Variants in PTPRD observed in about 807,000 individuals in gnomAD.
The protein encoded by PTPRD is protein tyrosine phosphatase receptor type D.
Under a neutral mutation model 214.5 loss-of-function variants are expected in PTPRD, and 34 were observed. The observed-to-expected ratio is 0.16, with a 90% CI of 0.12 to 0.21. The LOEUF is 0.21. Among genes scored for constraint, PTPRD ranks in the 10% least tolerant of loss-of-function variants. PTPRD has a pLI of 1.00. For synonymous variants in PTPRD, 1,128 were observed against 845.7 expected (o/e 1.33, Z -5.79); for missense variants, 2,545 against 2,398.7 (o/e 1.06, Z -1.27).
At chr9:9,307,779 T>G (rs1475037197) in intron 9 of PTPRD, among the ~76,000 whole-genome samples, 2 of 152,192 alleles carry the variant, frequency 1.3e-5, no homozygotes. Context: ...ACAGAAAAAT[T>G]TATGATCTAT....
At chr9:9,554,673 T>A (rs189164495) in intron 8 of PTPRD, among the ~76,000 whole-genome samples, 1 of 152,094 alleles carries the variant, frequency 6.6e-6, no homozygotes, top group East Asian at 1.9e-4. Flanking sequence ...AGAATTCAAC[T>A]CCAGTGTCTT....
In PTPRD at chr9:10,346,238, A is replaced by G. The variant is rs556258902; in HGVS notation, c.-599-5221T>C. On this transcript the variant is annotated intron_variant, in intron 2 of 45. Transcript: ENST00000381196. The stretch of plus-strand genomic sequence containing the variant: ...ATTCCCTAGCTCTTAATGTCATCCA[A>G]AACAAGAACCTGTGTTCCTTGAAAG... 5.9e-5 allele frequency among the ~76,000 whole-genome samples: 9 copies of G among 152,296 alleles called. No individual in the cohort carries two copies. The South Asian group carries it at 1.9e-3, about 32-fold the overall frequency.
intron 5 of PTPRD, among the ~76,000 whole-genome samples, chr9:9,922,586 C>G (rs995611367): frequency 2.0e-5 from 3 of 151,828 alleles, no homozygotes; most frequent in African/African-American, 7.3e-5. Context: ...AATCAAAGAA[C>G]AGGGAAATAT....
chr9:10,312,459 T>C (rs1361184909), intron 3 of PTPRD, among the ~76,000 whole-genome samples: 2 of 151,930 alleles, frequency 1.3e-5, no homozygotes, highest in Non-Finnish European at 2.9e-5. Context: ...TTTTGTTGGA[T>C]TAGAAACGGA....
At chr9:9,009,932 G>A (rs1198487972) in intron 11 of PTPRD, among the ~76,000 whole-genome samples, 1 of 152,052 alleles carries the variant, frequency 6.6e-6, no homozygotes, top group Admixed American at 6.6e-5. Context: ...CCTCTACGGA[G>A]GGATCCTGAG....
intron 3 of PTPRD, among the ~76,000 whole-genome samples, chr9:10,239,241 T>C (rs866248583): frequency 4.0e-4 from 61 of 151,994 alleles, no homozygotes; most frequent in African/African-American, 1.3e-3. Flanking sequence ...TCCATAGGAA[T>C]ACTGCTGATG....
chr9:9,471,187 C>T (rs1396207830), intron 8 of PTPRD, among the ~76,000 whole-genome samples: 1 of 152,138 alleles, frequency 6.6e-6, no homozygotes, highest in Non-Finnish European at 1.5e-5. Context: ...TATTTTAATT[C>T]ACAATTTGAC....
At chr9:8,662,067 C>A (rs1353303084) in intron 12 of PTPRD, among the ~76,000 whole-genome samples, 1 of 152,132 alleles carries the variant, frequency 6.6e-6, no homozygotes, top group Non-Finnish European at 1.5e-5. Context: ...CATATGCATA[C>A]CACCAGAGCC....
intron 2 of PTPRD, among the ~76,000 whole-genome samples, chr9:10,422,404 G>T (rs1279688856): frequency 6.6e-6 from 1 of 151,984 alleles, no homozygotes; most frequent in Non-Finnish European, 1.5e-5. Context: ...CATGGGTAAG[G>T]TCTTCATGAC....
intron 39 of PTPRD, among the ~76,000 whole-genome samples, chr9:8,370,217 C>A (rs887678323): frequency 6.7e-4 from 45 of 66,760 alleles, no homozygotes; most frequent in South Asian, 4.1e-3. Context: ...TACACACACA[C>A]ACACACACAC....
intron 8 of PTPRD, among the ~76,000 whole-genome samples, chr9:9,512,699 C>T (rs1333222859): frequency 6.6e-6 from 1 of 151,208 alleles, no homozygotes; most frequent in African/African-American, 2.4e-5. Flanking sequence ...TTCTTTTGTT[C>T]CTCTAACCCT....
intron 8 of PTPRD, among the ~76,000 whole-genome samples, chr9:9,441,590 T>C (rs1369552950): frequency 1.3e-5 from 2 of 152,176 alleles, no homozygotes; most frequent in African/African-American, 4.8e-5. Flanking sequence ...ATTTCAGGAA[T>C]TATCATGCTG....
At chr9:8,724,148 T>A (rs1412234949) in intron 12 of PTPRD, among the ~76,000 whole-genome samples, 1 of 152,194 alleles carries the variant, frequency 6.6e-6, no homozygotes, top group Non-Finnish European at 1.5e-5. Context: ...CTGAACTTCA[T>A]GATTAAAAAG....
rs149492410 is a variant in PTPRD at position 10,106,454 on chromosome 9, G to C, written c.-544-72664C>G. 3.4e-3 allele frequency among the ~76,000 whole-genome samples: 513 copies of C among 151,964 alleles called. 3 individuals are homozygous for C. The highest frequency in any genetic ancestry group is 9.8e-3 in the African/African-American group (408 of 41,500). On this transcript the variant is annotated intron_variant, in intron 3 of 45. Coordinates refer to ENST00000381196, the MANE Select transcript of PTPRD (RefSeq NM_002839.4). Reference sequence around the variant, plus strand: ...AGAATATGACATGCTTATTGAAATGGTATGCATAAAGAGGGAAAGTATAGT... The same window carrying C: ...AGAATATGACATGCTTATTGAAATGCTATGCATAAAGAGGGAAAGTATAGT...
At chr9:9,426,137 T>C (rs1057497080) in intron 8 of PTPRD, among the ~76,000 whole-genome samples, 1 of 152,068 alleles carries the variant, frequency 6.6e-6, no homozygotes, top group African/African-American at 2.4e-5. Context: ...GCACAAGGGG[T>C]TGGGGAATTC....
intron 35 of PTPRD, among the ~76,000 whole-genome samples, chr9:8,424,117 T>C (rs2094519926): frequency 6.6e-6 from 1 of 152,166 alleles, no homozygotes; most frequent in Non-Finnish European, 1.5e-5. Context: ...TTTGTTGTTG[T>C]TGATAGACTG....
At chr9:8,854,223 A>T (rs2097870695) in intron 11 of PTPRD, among the ~76,000 whole-genome samples, 1 of 152,174 alleles carries the variant, frequency 6.6e-6, no homozygotes. Context: ...CCTAAGTCTG[A>T]TGCTCCTAGG....
intron 35 of PTPRD, among the ~76,000 whole-genome samples, chr9:8,407,894 A>G (rs1181761668): frequency 2.0e-5 from 3 of 152,264 alleles, no homozygotes; most frequent in African/African-American, 7.2e-5. Flanking sequence ...CAGAATGCTG[A>G]CAGCAGTAAA....
intron 2 of PTPRD, among the ~76,000 whole-genome samples, chr9:10,426,729 T>C (rs905395481): frequency 3.9e-5 from 6 of 152,090 alleles, no homozygotes; most frequent in African/African-American, 1.2e-4. Flanking sequence ...AAGTGGACTA[T>C]AGTTTTTTTG....
Sources: allele counts gnomAD v4.1 joint callset (sites outside exome capture counted in the v4.1 genomes callset), GRCh38; gene constraint gnomAD v4.1.1; transcripts MANE v1.5; gene names NCBI Gene and HGNC (gene_info 2026-07-23, HGNC 2026-07-21).